CASK: variants seen among roughly 807,000 people sequenced by gnomAD.
The protein encoded by CASK is calcium/calmodulin dependent serine protein kinase.
Under a neutral mutation model 82.9 loss-of-function variants are expected in CASK, and 4 were observed. That is an observed-to-expected ratio of 0.05 (90% CI 0.02 to 0.11). CASK has a LOEUF of 0.11. CASK is among the 10% of genes least tolerant of loss of function. The pLI is 1.00. For missense variants in CASK, 358 were observed against 720.9 expected, an observed-to-expected ratio of 0.50 and a Z score of 5.76; for synonymous variants, 259 against 253.5, an observed-to-expected ratio of 1.02 and a Z score of -0.20.
chrX:41,785,221 G>A (rs1319705758), intron 3 of CASK, among the ~76,000 whole-genome samples: 1 of 110,607 alleles, frequency 9.0e-6, no homozygotes, highest in Admixed American at 9.6e-5. Context: ...TGCCCACGCT[G>A]GTCTTGAACT....
chrX:41,713,893 T>C (rs1008387090), intron 5 of CASK, among the ~76,000 whole-genome samples: 3 of 111,735 alleles, frequency 2.7e-5, no homozygotes, highest in African/African-American at 9.8e-5. Flanking sequence ...TCTGCTGTTC[T>C]CCTAACGGTA....
At chrX:41,808,657 C>T (rs926151477) in intron 2 of CASK, among the ~76,000 whole-genome samples, 16 of 112,155 alleles carry the variant, frequency 1.4e-4, no homozygotes, top group African/African-American at 1.9e-4. Flanking sequence ...ACGCAGAAGA[C>T]GGGTGATTTC....
intron 1 of CASK, among the ~76,000 whole-genome samples, chrX:41,915,067 CCT>C (rs924778836): frequency 5.4e-5 from 6 of 111,537 alleles, no homozygotes; most frequent in African/African-American, 9.8e-5. Flanking sequence ...GATCCTCCCC[CCT>C]CTTTTAAACT....
intron 12 of CASK, among the ~76,000 whole-genome samples, chrX:41,594,446 T>C (rs894020854): frequency 4.5e-5 from 5 of 112,256 alleles, no homozygotes; most frequent in Admixed American, 3.8e-4. Flanking sequence ...TCTCATTCTC[T>C]GGAGGGATGC....
chrX:41,648,437 T>C (rs2066801218), intron 8 of CASK, among the ~76,000 whole-genome samples: 1 of 111,265 alleles, frequency 9.0e-6, no homozygotes, highest in Non-Finnish European at 1.9e-5. Flanking sequence ...TAATATTCTA[T>C]TACCCTGTTA....
chrX:41,624,906 C>T (rs1266368882), intron 10 of CASK, among the ~76,000 whole-genome samples: 1 of 111,037 alleles, frequency 9.0e-6, no homozygotes, highest in East Asian at 2.8e-4. Context: ...ATTGATGAAG[C>T]TAGTCCAAGA....
At position 41,515,827 on chromosome X, in the gene CASK, G is replaced by C. The variant is rs989650019; in HGVS notation, c.*4593C>G. The C allele has an allele frequency of 8.9e-6, 1 of 112,424 alleles. No individual in the cohort carries two copies. Among genetic ancestry groups the C allele is most frequent in the East Asian group, 2.8e-4 (1 of 3,596 alleles). 9.3% of individuals were successfully genotyped at this position (112,424 alleles called of 1,213,427 possible). A position where few individuals can be genotyped will look rare whatever the true frequency, so the allele number is the denominator to read the frequency against. ...AGCCTCTGTCAGTAAGAACACTGGC[G>C]TGTTCTCTCAGTCACACACCAGAGA... is the stretch of plus-strand genomic sequence containing the variant. On this transcript the variant is annotated 3_prime_UTR_variant, in exon 27 of 27. Transcript: ENST00000378163.
At chrX:41,780,555 A>G (rs2069453627) in intron 3 of CASK, among the ~76,000 whole-genome samples, 1 of 112,160 alleles carries the variant, frequency 8.9e-6, no homozygotes, top group African/African-American at 3.2e-5. Flanking sequence ...AATCTTTTCC[A>G]TATCTAAAAT....
At chrX:41,696,046 T>C (rs1016302316) in intron 5 of CASK, 2 of 1,207,323 alleles carry the variant, frequency 1.7e-6, no homozygotes, top group African/African-American at 3.5e-5. Flanking sequence ...TATATGAACA[T>C]GTACATTAGC....
At position 41,520,259 on chromosome X, in the gene CASK, TCTC is replaced by T. The variant is rs1300643228; in HGVS notation, c.*158_*160del. The T allele has an allele frequency of 1.9e-5, 8 of 411,864 alleles. No homozygotes were observed. Among genetic ancestry groups the T allele is most frequent in the East Asian group, 3.7e-5 (1 of 26,684 alleles). 33.9% of individuals were successfully genotyped at this position (411,864 alleles called of 1,213,427 possible). Reference sequence around the variant, plus strand: ...CTTTAAATTAGTGTGTAATTGTTTTTCTCCTCCTATCTATTCGGACATGACAAT... The same window carrying T: ...CTTTAAATTAGTGTGTAATTGTTTTTCTCCTATCTATTCGGACATGACAAT... On this transcript the variant is annotated 3_prime_UTR_variant, in exon 27 of 27. Transcript: ENST00000378163.
chrX:41,567,276 G>T (rs2065332798), intron 16 of CASK, among the ~76,000 whole-genome samples: 1 of 111,935 alleles, frequency 8.9e-6, no homozygotes, highest in Non-Finnish European at 1.9e-5. Context: ...CATGGCAAAA[G>T]AAACTACCAT....
intron 6 of CASK, among the ~76,000 whole-genome samples, chrX:41,667,493 A>G (rs1161346983): frequency 8.9e-6 from 1 of 112,421 alleles, no homozygotes; most frequent in Non-Finnish European, 1.9e-5. Context: ...TTTTGATAAT[A>G]CAATAAAACC....
intron 5 of CASK, among the ~76,000 whole-genome samples, chrX:41,706,387 T>C (rs761225151): frequency 2.7e-5 from 3 of 111,191 alleles, no homozygotes; most frequent in Non-Finnish European, 5.7e-5. Context: ...GGAATAAGCA[T>C]GGTAGGAGGG....
At chrX:41,815,692 A>G (rs1039667810) in intron 2 of CASK, among the ~76,000 whole-genome samples, 7 of 111,375 alleles carry the variant, frequency 6.3e-5, no homozygotes, top group African/African-American at 2.3e-4. Flanking sequence ...AGAAGAGACA[A>G]ATGGAGAAGA....
chrX:41,552,188 C>A (rs1175577447), intron 21 of CASK, among the ~76,000 whole-genome samples: 1 of 109,120 alleles, frequency 9.2e-6, no homozygotes. Context: ...CTGCCCACCT[C>A]GGCGTCCCAG....
At chrX:41,832,402 G>A (rs1028181535) in intron 2 of CASK, among the ~76,000 whole-genome samples, 2 of 112,054 alleles carry the variant, frequency 1.8e-5, no homozygotes, top group Non-Finnish European at 3.8e-5. Context: ...ATAAGACAGG[G>A]CTCAACACAA....
intron 18 of CASK, chrX:41,558,160 G>A (rs1045260641): frequency 9.1e-6 from 1 of 109,596 alleles, no homozygotes; most frequent in African/African-American, 3.3e-5. Flanking sequence ...CAGGTGGCCA[G>A]AGAGCCTTCT....
At chrX:41,815,931 G>A (rs1445950611) in intron 2 of CASK, among the ~76,000 whole-genome samples, 3 of 111,283 alleles carry the variant, frequency 2.7e-5, no homozygotes, top group Non-Finnish European at 5.7e-5. Flanking sequence ...TGTAATCTCG[G>A]CTCACTGCAA....
rs760360779 is a variant in CASK, at chrX:41,532,410, C to T, written c.2318-1201G>A. ...TCTGGTCCTTTACAGAAAAGGCTTGCCCACCCCTCACCTAAGTGAGTGTAA... is the reference window on the plus strand; with the variant it reads ...TCTGGTCCTTTACAGAAAAGGCTTGTCCACCCCTCACCTAAGTGAGTGTAA... On this transcript the variant is annotated intron_variant, in intron 24 of 26. Transcript: ENST00000378163. 7.1e-5 allele frequency among the ~76,000 whole-genome samples: 8 copies of T among 112,066 alleles called. No individual in the cohort carries two copies. The East Asian group carries it at 1.7e-3, about 23-fold the overall frequency.
Sources: allele counts gnomAD v4.1 joint callset (sites outside exome capture counted in the v4.1 genomes callset), GRCh38; gene constraint gnomAD v4.1.1; transcripts MANE v1.5; gene names NCBI Gene and HGNC (gene_info 2026-07-23, HGNC 2026-07-21).